Variants in SH3GL3 observed in about 807,000 individuals in gnomAD.
SH3GL3 encodes endophilin-A3.
A neutral mutation model predicts 47.7 loss-of-function variants in SH3GL3; 33 were observed. The observed-to-expected ratio is 0.69, with a 90% CI of 0.52 to 0.92. SH3GL3 has a LOEUF of 0.92. Among genes scored for constraint, SH3GL3 ranks in the 40% least tolerant of loss-of-function variants. SH3GL3 has a pLI of 0.00. For synonymous variants in SH3GL3, 155 were observed against 148.8 expected, an observed-to-expected ratio of 1.04 and a Z score of -0.30; for missense variants, 363 against 417.8, an observed-to-expected ratio of 0.87 and a Z score of 1.14.
At chr15:83,586,808 C>T (rs997582746) in intron 6 of SH3GL3, among the ~76,000 whole-genome samples, 175 bp from the exon 7 acceptor site, 5 of 152,204 alleles carry the variant, frequency 3.3e-5, no homozygotes, top group Admixed American at 2.0e-4. Context: ...ATTTATAGCT[C>T]CATACCATGA....
At chr15:83,480,638 A>G (rs1396475231) in intron 1 of SH3GL3, among the ~76,000 whole-genome samples, 1 of 152,220 alleles carries the variant, frequency 6.6e-6, no homozygotes, top group Non-Finnish European at 1.5e-5. Flanking sequence ...AAAGAAGGTC[A>G]GAAAAATTTG....
At position 83,576,573 on chromosome 15, in the gene SH3GL3, CT is replaced by C. The variant is rs760009454; in HGVS notation, c.466-3del. The C allele has an allele frequency of 3.1e-6, 5 of 1,595,966 alleles. No individual in the cohort carries two copies. The African/African-American group carries it at 4.1e-5, about 13-fold the overall frequency. ...GCACCTCTCTGAGGGACTCCATTCT[CT>C]TTTTTTAGCATCACCTGAAAAAGCT... On this transcript the variant is annotated splice_polypyrimidine_tract_variant and intron_variant, in intron 5 of 8. Transcript: ENST00000427482.
At chr15:83,615,029 G>T (rs931116981) in intron 8 of SH3GL3, among the ~76,000 whole-genome samples, 1 of 151,680 alleles carries the variant, frequency 6.6e-6, no homozygotes, top group Admixed American at 6.6e-5. Flanking sequence ...GAAGTCTAGA[G>T]GGAGGAAAAA....
At chr15:83,601,329 G>A (rs563616072) in intron 8 of SH3GL3, among the ~76,000 whole-genome samples, 14 of 152,160 alleles carry the variant, frequency 9.2e-5, no homozygotes, top group Non-Finnish European at 2.1e-4. Context: ...TGTTGGCTGT[G>A]GGTTTTTCAT....
At position 83,495,506 on chromosome 15, in the gene SH3GL3, G is replaced by A. The variant is rs931099191; in HGVS notation, c.45+47928G>A. Among the ~76,000 whole-genome samples, 3 of 152,168 alleles carry A rather than the reference G, an allele frequency of 2.0e-5. No individual in the cohort carries two copies. The East Asian group carries it at 5.8e-4, about 29-fold the overall frequency. On this transcript the variant is annotated intron_variant, in intron 1 of 8. Coordinates refer to ENST00000427482, the MANE Select transcript of SH3GL3 (RefSeq NM_003027.5). ...TCTCAGCATTTTGGGAGGCTGAGGT[G>A]GGTGAATCACTTGAGGTCAGGAGTT...
At chr15:83,569,978 G>A (rs977598535) in intron 4 of SH3GL3, among the ~76,000 whole-genome samples, 2 of 152,126 alleles carry the variant, frequency 1.3e-5, no homozygotes, top group African/African-American at 2.4e-5. Flanking sequence ...GTATATGAAG[G>A]TCATTTCAAT....
chr15:83,566,691 G>A (rs553599999), intron 3 of SH3GL3, among the ~76,000 whole-genome samples: 94 of 152,220 alleles, frequency 6.2e-4, no homozygotes, highest in Non-Finnish European at 1.1e-3. Flanking sequence ...TGGGAGGATC[G>A]CTTGAACCCA....
chr15:83,473,983 C>A (rs1211471577), intron 1 of SH3GL3, among the ~76,000 whole-genome samples: 2 of 151,860 alleles, frequency 1.3e-5, no homozygotes, highest in Non-Finnish European at 2.9e-5. Flanking sequence ...GTCCCAGGGT[C>A]CCAAGCTGGT....
At chr15:83,504,590 C>T (rs565443742) in intron 1 of SH3GL3, among the ~76,000 whole-genome samples, 2 of 152,298 alleles carry the variant, frequency 1.3e-5, no homozygotes, top group Middle Eastern at 3.4e-3. Context: ...GGAGAGGCCC[C>T]GGTATCCAGG....
chr15:83,462,333 G>A (rs2040341812), intron 1 of SH3GL3, among the ~76,000 whole-genome samples: 1 of 152,160 alleles, frequency 6.6e-6, no homozygotes, highest in Admixed American at 6.5e-5. Flanking sequence ...ACAGGATAAT[G>A]CCATAATTAA....
chr15:83,487,516 C>T (rs1276464713), intron 1 of SH3GL3, among the ~76,000 whole-genome samples: 1 of 152,102 alleles, frequency 6.6e-6, no homozygotes, highest in East Asian at 1.9e-4. Context: ...TCTATACTTT[C>T]CTGCAATAAA....
intron 8 of SH3GL3, among the ~76,000 whole-genome samples, chr15:83,589,872 A>G (rs1389132312): frequency 6.6e-6 from 1 of 152,176 alleles, no homozygotes; most frequent in Non-Finnish European, 1.5e-5. Flanking sequence ...GTTATTTGCT[A>G]CAGTGAGTAT....
intron 1 of SH3GL3, among the ~76,000 whole-genome samples, chr15:83,520,687 G>A (rs11630983): frequency 0.18 from 27,054 of 152,094 alleles, 2,641 homozygotes; most frequent in Middle Eastern, 0.21. Context: ...AGTCTTCTTC[G>A]TTGAGTCTTA....
intron 1 of SH3GL3, among the ~76,000 whole-genome samples, chr15:83,468,104 A>G (rs1250978888): frequency 3.9e-5 from 6 of 152,226 alleles, no homozygotes; most frequent in Non-Finnish European, 7.3e-5. Flanking sequence ...TGCTGGGATT[A>G]CAGGCATGAG....
In SH3GL3 at chr15:83,470,204, T is replaced by C. The variant is rs547463472; in HGVS notation, c.45+22626T>C. Among the ~76,000 whole-genome samples, 8 of 152,324 alleles carry C rather than the reference T, an allele frequency of 5.3e-5. No homozygotes were observed. The East Asian group carries it at 1.3e-3, about 26-fold the overall frequency. On this transcript the variant is annotated intron_variant, in intron 1 of 8. Coordinates refer to ENST00000427482, the MANE Select transcript of SH3GL3 (RefSeq NM_003027.5). Reference sequence around the variant, plus strand: ...CATTTTTTGACTTTCAACCTGCCTATATTGCTATATTTGAAGTTTTTTGTT... The same window carrying C: ...CATTTTTTGACTTTCAACCTGCCTACATTGCTATATTTGAAGTTTTTTGTT...
chr15:83,556,083 A>T (rs1363848475), intron 1 of SH3GL3, among the ~76,000 whole-genome samples: 1 of 152,250 alleles, frequency 6.6e-6, no homozygotes, highest in Non-Finnish European at 1.5e-5. Flanking sequence ...CTTCACCAGA[A>T]ATAGAAGCTT....
At chr15:83,536,250 T>G (rs945231382) in intron 1 of SH3GL3, among the ~76,000 whole-genome samples, 2 of 152,120 alleles carry the variant, frequency 1.3e-5, no homozygotes, top group Non-Finnish European at 2.9e-5. Flanking sequence ...AGACTTTTTC[T>G]GGATATGGTG....
chr15:83,623,178 C>T (rs1279615772), downstream of SH3GL3, among the ~76,000 whole-genome samples: 7 of 152,178 alleles, frequency 4.6e-5, no homozygotes, highest in Non-Finnish European at 1.0e-4. Context: ...TACCACCAAA[C>T]CTTAACCCTT....
At position 83,447,633 on chromosome 15, in the gene SH3GL3, C is replaced by G; in HGVS notation, c.45+55C>G. The G allele has an allele frequency of 2.3e-6, 3 of 1,323,748 alleles. No individual in the cohort carries two copies. Among genetic ancestry groups the G allele is most frequent in the Non-Finnish European group, 3.1e-6 (3 of 979,950 alleles). The allele number at this position is 1,323,748 out of a possible 1,614,324, so 82.0% of individuals were successfully genotyped here. On this transcript the variant is annotated intron_variant, in intron 1 of 8. Transcript: ENST00000427482. The surrounding 1 kb of genome is among the most constrained non-coding windows in gnomAD (Gnocchi z 5.1). The stretch of plus-strand genomic sequence containing the variant: ...AGGGGGACGCGGAGGCTGCGGCCCC[C>G]CGAGGCTCCCGGGCCTTTGGGACTC...
Sources: gnomAD v4.1 joint callset for allele counts (sites outside exome capture counted in the v4.1 genomes callset) on GRCh38, gnomAD v4.1.1 for gene constraint, Gnocchi (gnomAD v3.1) non-coding constraint, MANE v1.5 for transcripts, NCBI Gene and HGNC (gene_info 2026-07-23, HGNC 2026-07-21) for gene names.